The following MFAP3 variants were observed in gnomAD, a reference collection of about 807,000 sequenced individuals.
MFAP3 encodes the protein microfibril associated protein 3, also known as microfibril-associated glycoprotein 3.
In MFAP3, 8 loss-of-function variants were observed where a neutral mutation model predicts 20.5. That is an observed-to-expected ratio of 0.39 (90% CI 0.23 to 0.70). The LOEUF is 0.70. Ranked by LOEUF, MFAP3 falls within the 30% of genes least tolerant of loss-of-function variation. MFAP3 has a pLI of 0.44. For missense variants in MFAP3, 398 were observed against 444.6 expected, an observed-to-expected ratio of 0.90 and a Z score of 0.94; for synonymous variants, 140 against 154.0, an observed-to-expected ratio of 0.91 and a Z score of 0.67.
chr5:154,041,852 G>T (rs816040), intron 1 of MFAP3, among the ~76,000 whole-genome samples: 93,366 of 152,034 alleles, frequency 0.61, 29,191 homozygotes, highest in East Asian at 0.88. Flanking sequence ...AAAATGTGTA[G>T]GAGGTGGAAT....
In MFAP3 at chr5:154,053,297, A is replaced by G; in HGVS notation, c.673A>G (p.Thr225Ala). Reference protein sequence around the residue: ...LELAKVTQFKTMEFARYIEEL... With the variant: ...LELAKVTQFKAMEFARYIEEL... The stretch of plus-strand genomic sequence containing the variant: ...GCTCGCCAAAGTCACACAATTTAAG[A>G]CCATGGAGTTTGCTCGTTATATTGA... Residue 225 changes from threonine to alanine, a missense_variant, in exon 3 of 3, where the codon ACC (threonine) becomes GCC (alanine). Transcript: ENST00000522782. 1 of 1,613,974 alleles carries G rather than the reference A, an allele frequency of 6.2e-7. No homozygotes were observed. The highest frequency in any genetic ancestry group is 8.5e-7 in the Non-Finnish European group (1 of 1,179,934).
intron 2 of MFAP3, among the ~76,000 whole-genome samples, chr5:154,051,468 G>A (rs1343888029): frequency 1.3e-5 from 2 of 152,346 alleles, no homozygotes; most frequent in East Asian, 3.9e-4. Context: ...AGTGAGAGGA[G>A]TTTAAAGAGC....
intron 1 of MFAP3, among the ~76,000 whole-genome samples, chr5:154,039,478 G>C (rs974895885): frequency 1.3e-5 from 2 of 152,172 alleles, no homozygotes; most frequent in African/African-American, 2.4e-5. Flanking sequence ...AAAGGCCACT[G>C]GCTAGAGCAA....
intron 1 of MFAP3, among the ~76,000 whole-genome samples, chr5:154,042,375 C>A (rs816039): frequency 0.65 from 98,992 of 152,046 alleles, 32,584 homozygotes; most frequent in East Asian, 0.88. Flanking sequence ...TAAATACAGA[C>A]GATGTTTCTC....
At chr5:154,043,569 A>C (rs1040166605) in intron 1 of MFAP3, among the ~76,000 whole-genome samples, 11 of 142,756 alleles carry the variant, frequency 7.7e-5, no homozygotes, top group African/African-American at 1.2e-4. Context: ...CACACACACA[A>C]AAAGGAAAGG....
rs149312866 is a variant in MFAP3, at chr5:154,043,742, A to ATATT, written c.-167+4732_-167+4733insATTT. Among the ~76,000 whole-genome samples the ATATT allele has an allele frequency of 6.1e-3, 866 of 143,028 alleles. 9 individuals carry two copies. The highest frequency in any genetic ancestry group is 0.021 in the African/African-American group (806 of 38,950). 93.8% of individuals were successfully genotyped at this position (143,028 alleles called of 152,430 possible). Reference sequence around the variant, plus strand: ...CAGCAGGCATAATATATATATATATATTTTTTTTTCCAAATACAAATGCAC... The same window carrying ATATT: ...CAGCAGGCATAATATATATATATATATATTTTTTTTTTTCCAAATACAAATGCAC... On this transcript the variant is annotated intron_variant, in intron 1 of 2. Coordinates refer to ENST00000522782, the MANE Select transcript of MFAP3 (RefSeq NM_005927.5).
intron 1 of MFAP3, among the ~76,000 whole-genome samples, chr5:154,046,411 T>G (rs1163288271): frequency 6.6e-6 from 1 of 152,228 alleles, no homozygotes; most frequent in Non-Finnish European, 1.5e-5. Context: ...ATTGAGCATG[T>G]GCTAGTTATG....
intron 1 of MFAP3, among the ~76,000 whole-genome samples, chr5:154,040,535 G>A (rs1168017801): frequency 6.6e-6 from 1 of 152,194 alleles, no homozygotes; most frequent in Non-Finnish European, 1.5e-5. Flanking sequence ...AAATTGTTTT[G>A]AAACAGTGTC....
chr5:154,050,035 A>G lies in MFAP3; in HGVS notation c.295+18A>G, dbSNP rs1238186384. On this transcript the variant is annotated intron_variant, in intron 2 of 2. Transcript: ENST00000522782. ...AAGCAGAGGTAATTGGTCAGGGTATAATTAATCAAGGTTACTCATTTCCTG... is the reference window on the plus strand; with the variant it reads ...AAGCAGAGGTAATTGGTCAGGGTATGATTAATCAAGGTTACTCATTTCCTG... 4 of 1,572,554 alleles carry G rather than the reference A, an allele frequency of 2.5e-6. No homozygotes were observed. Among genetic ancestry groups the G allele is most frequent in the Middle Eastern group, 1.7e-4 (1 of 5,874 alleles).
At chr5:154,050,116 A>G (rs1773154204) in intron 2 of MFAP3, 99 bp downstream of exon 2, 2 of 1,335,136 alleles carry the variant, frequency 1.5e-6, no homozygotes, top group Non-Finnish European at 2.0e-6. Flanking sequence ...ATAAGGTGCC[A>G]AGGTGAATAG....
intron 1 of MFAP3, among the ~76,000 whole-genome samples, chr5:154,043,459 G>C (rs1773005765): frequency 6.6e-6 from 1 of 152,104 alleles, no homozygotes; most frequent in South Asian, 2.1e-4. Flanking sequence ...GCTGAGGTGG[G>C]AGAATCGCTT....
In MFAP3 at chr5:154,055,246, G is replaced by T. The variant is rs1382415588; in HGVS notation, c.*1533G>T. On this transcript the variant is annotated 3_prime_UTR_variant, in exon 3 of 3. Coordinates refer to ENST00000522782, the MANE Select transcript of MFAP3 (RefSeq NM_005927.5). ...AAATGTTCAGAGGAGGTTTTATCAG[G>T]ATTTTAATTTAAGGTTTCAAACAGG... 6.6e-6 allele frequency among the ~76,000 whole-genome samples: 1 copy of T among 152,106 alleles called. No homozygotes were observed. Among genetic ancestry groups the T allele is most frequent in the African/African-American group, 2.4e-5 (1 of 41,454 alleles).
chr5:154,045,589 C>T (rs1267660630), intron 1 of MFAP3, among the ~76,000 whole-genome samples: 1 of 152,030 alleles, frequency 6.6e-6, no homozygotes, highest in Non-Finnish European at 1.5e-5. Flanking sequence ...AATAATAGAG[C>T]TTATTCAGTG....
At position 154,053,811 on chromosome 5, in the gene MFAP3, G is replaced by A; in HGVS notation, c.*98G>A. On this transcript the variant is annotated 3_prime_UTR_variant, in exon 3 of 3. Transcript: ENST00000522782. ...TAACATTTTTGCCAAAAGATGACTG[G>A]GGTTTTCCGTTTGTTAATATTAAGC... 1 of 1,146,812 alleles carries A rather than the reference G, an allele frequency of 8.7e-7. No homozygotes were observed. Among genetic ancestry groups the A allele is most frequent in the Non-Finnish European group, 1.2e-6 (1 of 802,538 alleles). The allele number at this position is 1,146,812 out of a possible 1,614,324, so 71.0% of individuals were successfully genotyped here. A position where few individuals can be genotyped will look rare whatever the true frequency, so the allele number is the denominator to read the frequency against.
Position 154,055,092 on chromosome 5 carries a change from C to A in MFAP3, c.*1379C>A, listed in dbSNP as rs576038733. The A allele has an allele frequency of 6.0e-6, 1 of 167,206 alleles. No individual in the cohort carries two copies. The highest frequency in any genetic ancestry group is 2.1e-4 in the South Asian group (1 of 4,820). 10.4% of individuals were successfully genotyped at this position (167,206 alleles called of 1,614,324 possible). A position where few individuals can be genotyped will look rare whatever the true frequency, so the allele number is the denominator to read the frequency against. ...TTGTAAATACTCTTCAGAACAATTT[C>A]TTCAGCTACAGGAAGCGTGGTGCCA... On this transcript the variant is annotated 3_prime_UTR_variant, in exon 3 of 3. Transcript: ENST00000522782.
At chr5:154,049,480 A>G (rs1773131684) in intron 1 of MFAP3, 77 bp from the exon 2 acceptor site, 1 of 461,502 alleles carries the variant, frequency 2.2e-6, no homozygotes. Context: ...ATTAACATCT[A>G]TTCATTCTGG....
In MFAP3 at chr5:154,055,525, T is replaced by G. The variant is rs997225306; in HGVS notation, c.*1812T>G. On this transcript the variant is annotated 3_prime_UTR_variant, in exon 3 of 3. Coordinates refer to ENST00000522782, the MANE Select transcript of MFAP3 (RefSeq NM_005927.5). The stretch of plus-strand genomic sequence containing the variant: ...CCTTGGCTCATAGACTGGTATTTCT[T>G]TAAGGAAAATTGTTTTTATATATTT... Among the ~76,000 whole-genome samples the G allele has an allele frequency of 2.0e-5, 3 of 152,328 alleles. No individual in the cohort carries two copies. Among genetic ancestry groups the G allele is most frequent in the Admixed American group, 2.0e-4 (3 of 15,300 alleles).
intron 2 of MFAP3, among the ~76,000 whole-genome samples, chr5:154,050,849 A>G (rs184914972): frequency 7.7e-4 from 117 of 152,184 alleles, no homozygotes; most frequent in South Asian, 1.7e-3. Context: ...TTGAGTTATA[A>G]TGGACCTCAA....
intron 1 of MFAP3, among the ~76,000 whole-genome samples, chr5:154,043,546 C>T (rs929912977): frequency 1.4e-5 from 2 of 143,800 alleles, no homozygotes; most frequent in African/African-American, 4.9e-5. Context: ...AGCGAAACTC[C>T]GTCACACACA....
Sources: allele counts gnomAD v4.1 joint callset (sites outside exome capture counted in the v4.1 genomes callset), GRCh38; gene constraint gnomAD v4.1.1; transcripts MANE v1.5; gene names NCBI Gene and HGNC (gene_info 2026-07-23, HGNC 2026-07-21).